The following NCAM2 variants were observed in gnomAD, a reference collection of about 807,000 sequenced individuals.
NCAM2 encodes the protein neural cell adhesion molecule 2.
NCAM2 carries 30 observed loss-of-function variants against 98.1 expected under a neutral mutation model. The observed-to-expected ratio is 0.31, with a 90% CI of 0.23 to 0.41. The LOEUF (loss-of-function observed/expected upper bound fraction) is 0.41. Ranked by LOEUF, NCAM2 falls within the 10% of genes least tolerant of loss-of-function variation. The pLI, the probability that NCAM2 is intolerant of heterozygous loss-of-function variation, is 1.00. For missense variants in NCAM2, 867 were observed against 1,005.8 expected (o/e 0.86, Z 1.87); for synonymous variants, 368 against 342.4 (o/e 1.07, Z -0.83).
chr21:21,251,335 C>G (rs1447904897), intron 1 of NCAM2, among the ~76,000 whole-genome samples: 1 of 151,756 alleles, frequency 6.6e-6, no homozygotes, highest in Admixed American at 6.6e-5. Flanking sequence ...CCCCCACCCC[C>G]TGTGTTGTTC....
chr21:21,079,771 C>T (rs1247849797), intron 1 of NCAM2, among the ~76,000 whole-genome samples: 2 of 152,160 alleles, frequency 1.3e-5, no homozygotes, highest in Admixed American at 1.3e-4. Context: ...ATCTCTATGA[C>T]ATTAAGACTA....
chr21:21,394,216 T>G (rs1422301870), intron 9 of NCAM2, among the ~76,000 whole-genome samples: 3 of 152,170 alleles, frequency 2.0e-5, no homozygotes, highest in South Asian at 4.1e-4. Context: ...AGAATTCCCA[T>G]GGTACATGGA....
At chr21:21,110,625 G>A (rs2066435330) in intron 1 of NCAM2, among the ~76,000 whole-genome samples, 1 of 150,456 alleles carries the variant, frequency 6.6e-6, no homozygotes, top group Admixed American at 6.6e-5. Flanking sequence ...CTTTTCATGA[G>A]ACTACCAGGG....
intron 1 of NCAM2, among the ~76,000 whole-genome samples, chr21:21,103,679 A>G (rs1418436317): frequency 2.0e-5 from 3 of 152,176 alleles, no homozygotes; most frequent in South Asian, 2.1e-4. Context: ...GGATGCTAAG[A>G]GAAGTACAAT....
chr21:21,206,554 G>A (rs577807207), intron 1 of NCAM2, among the ~76,000 whole-genome samples: 2 of 152,158 alleles, frequency 1.3e-5, no homozygotes, highest in South Asian at 2.1e-4. Context: ...AACACCACCC[G>A]CAATAAATTC....
At chr21:21,114,569 T>C (rs910041310) in intron 1 of NCAM2, among the ~76,000 whole-genome samples, 8 of 152,176 alleles carry the variant, frequency 5.3e-5, no homozygotes, top group African/African-American at 1.7e-4. Context: ...AAGCTGTTTC[T>C]TAAGTCTAAA....
At chr21:21,151,106 C>A (rs2067435180) in intron 1 of NCAM2, among the ~76,000 whole-genome samples, 5 of 151,438 alleles carry the variant, frequency 3.3e-5, no homozygotes, top group Admixed American at 3.3e-4. Flanking sequence ...TTATTTAAAT[C>A]AATTAAAAAA....
intron 16 of NCAM2, among the ~76,000 whole-genome samples, chr21:21,521,282 G>T (rs552525585): frequency 1.3e-5 from 2 of 152,152 alleles, no homozygotes; most frequent in South Asian, 4.1e-4. Flanking sequence ...CCTAATCATG[G>T]GATGATAGTC....
intron 5 of NCAM2, among the ~76,000 whole-genome samples, chr21:21,307,466 AG>A (rs1004092850): frequency 1.3e-5 from 2 of 152,224 alleles, no homozygotes; most frequent in African/African-American, 4.8e-5. Context: ...TCAAAACAGC[AG>A]AAATTAATAA....
chr21:21,047,399 T>C (rs2065024525), intron 1 of NCAM2, among the ~76,000 whole-genome samples: 1 of 152,176 alleles, frequency 6.6e-6, no homozygotes, highest in African/African-American at 2.4e-5. Context: ...AGCAGATGTT[T>C]AATGAGCAAC....
At chr21:21,512,118 C>G (rs1209939310) in intron 16 of NCAM2, among the ~76,000 whole-genome samples, 1 of 151,784 alleles carries the variant, frequency 6.6e-6, no homozygotes, top group Non-Finnish European at 1.5e-5. Flanking sequence ...CCCATTTGTC[C>G]ATGTTTGCTT....
intron 1 of NCAM2, among the ~76,000 whole-genome samples, chr21:21,130,645 C>T (rs985035323): frequency 6.6e-6 from 1 of 152,028 alleles, no homozygotes; most frequent in African/African-American, 2.4e-5. Flanking sequence ...TTTAAAACAT[C>T]TTTGCCAAAT....
chr21:21,157,567 T>C (rs1279386413), intron 1 of NCAM2, among the ~76,000 whole-genome samples: 1 of 152,140 alleles, frequency 6.6e-6, no homozygotes, highest in African/African-American at 2.4e-5. Context: ...GTCAAATAAA[T>C]GAAGGGGAGG....
Position 21,542,497 on chromosome 21 carries a change from C to T in NCAM2, c.*4540C>T, listed in dbSNP as rs1456613054. On this transcript the variant is annotated 3_prime_UTR_variant, in exon 18 of 18. Coordinates refer to ENST00000400546, the MANE Select transcript of NCAM2 (RefSeq NM_004540.5). ...CCACACAACATTCAGAATTATTGCT[C>T]ATGTAAATTTAAATATTGCTACTTA... The T allele has an allele frequency of 6.6e-6, 1 of 151,730 alleles. No individual in the cohort carries two copies. The highest frequency in any genetic ancestry group is 1.5e-5 in the Non-Finnish European group (1 of 67,844). 9.4% of individuals were successfully genotyped at this position (151,730 alleles called of 1,614,324 possible).
intron 1 of NCAM2, among the ~76,000 whole-genome samples, chr21:21,265,581 A>G (rs747517635): frequency 6.7e-6 from 1 of 150,354 alleles, no homozygotes; most frequent in Non-Finnish European, 1.5e-5. Context: ...TACTACACAG[A>G]CATTAAAAAA....
chr21:21,202,166 G>A (rs117058570), intron 1 of NCAM2, among the ~76,000 whole-genome samples: 1,838 of 152,186 alleles, frequency 0.012, 29 homozygotes, highest in Non-Finnish European at 0.021. Flanking sequence ...TAAAATTCAT[G>A]TTCCTCCACT....
At chr21:21,221,658 G>T (rs1194624888) in intron 1 of NCAM2, among the ~76,000 whole-genome samples, 1 of 152,140 alleles carries the variant, frequency 6.6e-6, no homozygotes, top group Non-Finnish European at 1.5e-5. Context: ...AGCTAGAGAA[G>T]AAAAAGTTTG....
chr21:21,210,132 A>G (rs1171201485), intron 1 of NCAM2, among the ~76,000 whole-genome samples: 3 of 152,240 alleles, frequency 2.0e-5, no homozygotes, highest in Non-Finnish European at 4.4e-5. Context: ...TGAATGTGCA[A>G]TACATTGTTT....
intron 1 of NCAM2, among the ~76,000 whole-genome samples, chr21:21,135,471 A>C (rs1331203668): frequency 1.3e-5 from 2 of 152,158 alleles, no homozygotes; most frequent in Non-Finnish European, 2.9e-5. Context: ...GCTCTGAAAC[A>C]CCTCGATAGA....
Sources: gnomAD v4.1 joint callset for allele counts (sites outside exome capture counted in the v4.1 genomes callset) on GRCh38, gnomAD v4.1.1 for gene constraint, MANE v1.5 for transcripts, NCBI Gene and HGNC (gene_info 2026-07-23, HGNC 2026-07-21) for gene names.